Variants in GLI3 observed in about 807,000 individuals in gnomAD.
The protein encoded by GLI3 is GLI family zinc finger 3.
A neutral mutation model predicts 100.8 loss-of-function variants in GLI3; 20 were observed. The observed-to-expected ratio is 0.20, with a 90% CI of 0.14 to 0.29. GLI3 has a LOEUF of 0.29. Ranked by LOEUF, GLI3 falls within the 10% of genes least tolerant of loss-of-function variation. The pLI is 1.00. For missense variants in GLI3, 2,040 were observed against 2,128.5 expected, an observed-to-expected ratio of 0.96 and a Z score of 0.82; for synonymous variants, 938 against 860.5, an observed-to-expected ratio of 1.09 and a Z score of -1.58.
At chr7:42,004,801 T>C (rs1335937100) in intron 10 of GLI3, among the ~76,000 whole-genome samples, 1 of 152,182 alleles carries the variant, frequency 6.6e-6, no homozygotes, top group East Asian at 1.9e-4. Flanking sequence ...TAGAGAATGA[T>C]ATTCTTTTCA....
chr7:42,151,377 T>C (rs1335776904), intron 2 of GLI3: 1 of 152,252 alleles, frequency 6.6e-6, no homozygotes, highest in East Asian at 1.9e-4. Context: ...CTGCCTGCTC[T>C]TATAAATTTA....
chr7:42,015,350 T>A (rs1788727969), intron 10 of GLI3, among the ~76,000 whole-genome samples: 1 of 152,140 alleles, frequency 6.6e-6, no homozygotes, highest in Admixed American at 6.5e-5. Context: ...ACACATTGTC[T>A]CCTGAGGATA....
At chr7:42,210,815 G>C (rs185677499) in intron 2 of GLI3, among the ~76,000 whole-genome samples, 209 of 152,158 alleles carry the variant, frequency 1.4e-3, no homozygotes, top group Non-Finnish European at 1.6e-3. Context: ...CCTAGCAATA[G>C]GTACGTGTAG....
intron 3 of GLI3, among the ~76,000 whole-genome samples, chr7:42,133,371 C>T (rs1366375756): frequency 1.3e-5 from 2 of 152,070 alleles, no homozygotes; most frequent in South Asian, 2.1e-4. Context: ...TTAGTGTTGC[C>T]GATGCCTCCA....
chr7:42,067,686 G>A (rs1369432751), intron 4 of GLI3, among the ~76,000 whole-genome samples: 6 of 152,040 alleles, frequency 3.9e-5, no homozygotes, highest in African/African-American at 1.4e-4. Context: ...GGCCATACTA[G>A]ACTTGGCCAT....
At chr7:42,207,530 T>G (rs1315228345) in intron 2 of GLI3, among the ~76,000 whole-genome samples, 2 of 152,226 alleles carry the variant, frequency 1.3e-5, no homozygotes, top group Non-Finnish European at 2.9e-5. Context: ...TAAGTTGCTG[T>G]GTTTCTTGGA....
At chr7:42,043,961 G>T (rs1453937790) in intron 6 of GLI3, among the ~76,000 whole-genome samples, 1 of 152,080 alleles carries the variant, frequency 6.6e-6, no homozygotes, top group Non-Finnish European at 1.5e-5. Context: ...CCAAACAACA[G>T]AACGCCTGAA....
At chr7:42,150,966 T>C (rs959245012) in intron 2 of GLI3, among the ~76,000 whole-genome samples, 2 of 152,108 alleles carry the variant, frequency 1.3e-5, no homozygotes, top group African/African-American at 2.4e-5. Context: ...TTTAGCTCAA[T>C]GATTTTCTTA....
At chr7:42,087,288 G>A (rs772572645) in intron 3 of GLI3, among the ~76,000 whole-genome samples, 3 of 152,160 alleles carry the variant, frequency 2.0e-5, no homozygotes, top group Non-Finnish European at 2.9e-5. Context: ...AATCCTCCCT[G>A]TGCAGTTTTC....
At chr7:42,018,269 C>T (rs955421299) in intron 10 of GLI3, among the ~76,000 whole-genome samples, 1 of 152,140 alleles carries the variant, frequency 6.6e-6, no homozygotes, top group African/African-American at 2.4e-5. Flanking sequence ...GCCGTGTTTC[C>T]AAATAATTAG....
chr7:42,194,418 T>C (rs1227728944), intron 2 of GLI3, among the ~76,000 whole-genome samples: 1 of 152,156 alleles, frequency 6.6e-6, no homozygotes, highest in Non-Finnish European at 1.5e-5. Context: ...TCCCAAGGGG[T>C]TCAGGCCTAC....
upstream of GLI3, among the ~76,000 whole-genome samples, chr7:42,242,656 T>C (rs1293626867): frequency 6.6e-6 from 1 of 152,178 alleles, no homozygotes. Context: ...GAGATTCCAG[T>C]ATGCAGAAAA....
At chr7:42,075,399 C>G (rs6959294) in intron 4 of GLI3, among the ~76,000 whole-genome samples, 21,478 of 152,078 alleles carry the variant, frequency 0.14, 2,230 homozygotes, top group African/African-American at 0.3. Flanking sequence ...GGGGCAGATC[C>G]TCATCTGAGA....
chr7:42,210,544 T>C (rs1160350513), intron 2 of GLI3, among the ~76,000 whole-genome samples: 3 of 152,120 alleles, frequency 2.0e-5, no homozygotes, highest in Non-Finnish European at 2.9e-5. Context: ...TCAGCAGTAT[T>C]TTGTAGCCTG....
chr7:42,150,312 A>G (rs1786823488), intron 2 of GLI3: 1 of 152,168 alleles, frequency 6.6e-6, no homozygotes, highest in Non-Finnish European at 1.5e-5. Flanking sequence ...ATACATTTTT[A>G]TTTTCCCCTC....
At chr7:42,047,067 G>GA (rs1473445610) in intron 5 of GLI3, among the ~76,000 whole-genome samples, 1 of 152,122 alleles carries the variant, frequency 6.6e-6, no homozygotes, top group African/African-American at 2.4e-5. Flanking sequence ...GAGACAGGAA[G>GA]ATGACTTGAA....
intron 2 of GLI3, among the ~76,000 whole-genome samples, chr7:42,217,181 C>T (rs913388921): frequency 1.3e-5 from 2 of 152,030 alleles, no homozygotes; most frequent in Admixed American, 1.3e-4. Context: ...AAGAGACACA[C>T]GAGCGAGTAA....
chr7:42,113,560 A>T, intron 3 of GLI3: 3 of 1,150,864 alleles, frequency 2.6e-6, no homozygotes, highest in Non-Finnish European at 3.9e-6. Flanking sequence ...ATAACCCTAC[A>T]GAAAATGGAG....
chr7:41,976,926 A>C (rs1230524208), intron 12 of GLI3, among the ~76,000 whole-genome samples: 1 of 152,210 alleles, frequency 6.6e-6, no homozygotes, highest in East Asian at 1.9e-4. Context: ...CCTAAAAATA[A>C]CAGTAACACA....
Sources: allele counts gnomAD v4.1 joint callset (sites outside exome capture counted in the v4.1 genomes callset), GRCh38; gene constraint gnomAD v4.1.1; transcripts MANE v1.5; gene names NCBI Gene and HGNC (gene_info 2026-07-23, HGNC 2026-07-21).